NOC2L: variants seen among roughly 807,000 people sequenced by gnomAD.
NOC2L encodes the protein nucleolar complex protein 2 homolog.
A neutral mutation model predicts 94.2 loss-of-function variants in NOC2L; 101 were observed. The observed-to-expected ratio is 1.07, with a 90% CI of 0.91 to 1.26. NOC2L has a LOEUF of 1.26. Among genes scored for constraint, NOC2L ranks in the 50% most tolerant of loss-of-function variants. The probability of loss-of-function intolerance (pLI) is 0.00; values close to 1 mark genes in which losing one functional copy is unlikely to be tolerated. For synonymous variants in NOC2L, 531 were observed against 413.4 expected, an observed-to-expected ratio of 1.28 and a Z score of -3.45; for missense variants, 1,076 against 980.1, an observed-to-expected ratio of 1.10 and a Z score of -1.31.
intron 10 of NOC2L, 76 bp from the exon 11 acceptor site, chr1:952,215 C>A: frequency 6.4e-7 from 1 of 1,556,454 alleles, no homozygotes. Context: ...TGGGCCGGCA[C>A]AGGAATCATT....
chr1:954,224 G>A, intron 6 of NOC2L, 142 bp from the exon 7 acceptor site: 1 of 714,596 alleles, frequency 1.4e-6, no homozygotes, highest in South Asian at 1.9e-5. Context: ...AAAAGCTCAG[G>A]GCCCCTTACA....
Position 945,082 on chromosome 1 carries a change from GCCCTCC to G in NOC2L, c.2112_2117del (p.Glu704_Gly706delinsAsp). The G allele has an allele frequency of 6.2e-7, 1 of 1,613,908 alleles. No individual in the cohort carries two copies. Among genetic ancestry groups the G allele is most frequent in the Non-Finnish European group, 8.5e-7 (1 of 1,179,928 alleles). On this transcript the variant is annotated inframe_deletion, in exon 18 of 19. Coordinates refer to ENST00000327044, the MANE Select transcript of NOC2L (RefSeq NM_015658.4). ...CCTCCGAGTTGCTGCTGTCCTCCTC[GCCCTCC>G]TCCTCGTCCTCTTCATCGTCTTCCA...
intron 12 of NOC2L, among the ~76,000 whole-genome samples, chr1:949,693 C>A (rs1378027702): frequency 6.6e-6 from 1 of 152,196 alleles, no homozygotes; most frequent in Non-Finnish European, 1.5e-5. Flanking sequence ...CAAAGCATGC[C>A]TGGAGCTGGG....
At chr1:945,847 TCTC>T (rs996969126) in intron 16 of NOC2L, among the ~76,000 whole-genome samples, 194 bp from the exon 17 acceptor site, 36 of 152,102 alleles carry the variant, frequency 2.4e-4, no homozygotes, top group African/African-American at 7.5e-4. Context: ...CCTTCCTGCT[TCTC>T]CTCACGGGCC....
chr1:951,888 G>A lies in NOC2L; in HGVS notation c.1331+112C>T. 6 of 1,249,430 alleles carry A rather than the reference G, an allele frequency of 4.8e-6. 1 individual carries two copies. Among genetic ancestry groups the A allele is most frequent in the South Asian group, 4.4e-5 (3 of 67,762 alleles). 77.4% of individuals were successfully genotyped at this position (1,249,430 alleles called of 1,614,324 possible). On this transcript the variant is annotated intron_variant, in intron 11 of 18. Transcript: ENST00000327044. Reference sequence around the variant, plus strand: ...CCCAGCCCTTCCTCAGGGACGGCCAGGACACAGACTCAGGCCCCAAGGCCC... The same window carrying A: ...CCCAGCCCTTCCTCAGGGACGGCCAAGACACAGACTCAGGCCCCAAGGCCC...
At chr1:958,659 G>T in intron 2 of NOC2L, 1 of 663,124 alleles carries the variant, frequency 1.5e-6, no homozygotes, top group Non-Finnish European at 2.8e-6. Context: ...ACTGCAGGCG[G>T]TGATTTCACC....
At chr1:950,917 C>T (rs1358063970) in intron 12 of NOC2L, among the ~76,000 whole-genome samples, 2 of 152,206 alleles carry the variant, frequency 1.3e-5, no homozygotes, top group African/African-American at 4.8e-5. Context: ...AAGCACAGCC[C>T]TAGCAGCAGC....
intron 12 of NOC2L, among the ~76,000 whole-genome samples, chr1:949,280 A>C (rs1485408188): frequency 1.3e-5 from 2 of 152,208 alleles, no homozygotes. Flanking sequence ...ACCAGAGGAC[A>C]GAAGCAGATT....
At chr1:953,693 G>A in intron 8 of NOC2L, 89 bp downstream of exon 8, 1 of 995,886 alleles carries the variant, frequency 1.0e-6, no homozygotes, top group East Asian at 2.5e-5. Flanking sequence ...GGCACCACCT[G>A]TGCCCTGGCC....
rs1557613286 is a variant in NOC2L, at chr1:944,324, T to G, written c.*370A>C. On this transcript the variant is annotated 3_prime_UTR_variant, in exon 19 of 19. Coordinates refer to ENST00000327044, the MANE Select transcript of NOC2L (RefSeq NM_015658.4). ...ACAAATTTTCAAAGACTTGGGGGAGTGAAGGCAGAGCCTGGTGCAGATGGA... is the reference window on the plus strand; with the variant it reads ...ACAAATTTTCAAAGACTTGGGGGAGGGAAGGCAGAGCCTGGTGCAGATGGA... The G allele has an allele frequency of 2.2e-6, 3 of 1,380,352 alleles. No homozygotes were observed. Among genetic ancestry groups the G allele is most frequent in the African/African-American group, 1.5e-5 (1 of 67,556 alleles). The allele number at this position is 1,380,352 out of a possible 1,614,324, so 85.5% of individuals were successfully genotyped here.
chr1:956,592 C>T (rs1168858619), intron 4 of NOC2L, among the ~76,000 whole-genome samples: 5 of 152,222 alleles, frequency 3.3e-5, no homozygotes, highest in Admixed American at 2.0e-4. Flanking sequence ...GCGGGACTGA[C>T]TTTGGGGAGT....
At position 944,501 on chromosome 1, in the gene NOC2L, GCCACA is replaced by G; in HGVS notation, c.*188_*192del. ...AGCCCACAGCTGTGGGGCTTCAGCA[GCCACA>G]CCAGCCCAGCCCAGCCCAGCTCTCG... On this transcript the variant is annotated 3_prime_UTR_variant, in exon 19 of 19. Coordinates refer to ENST00000327044, the MANE Select transcript of NOC2L (RefSeq NM_015658.4). The G allele has an allele frequency of 4.7e-6, 3 of 635,652 alleles. No homozygotes were observed. The highest frequency in any genetic ancestry group is 7.8e-6 in the Non-Finnish European group (3 of 384,920). 39.4% of individuals were successfully genotyped at this position (635,652 alleles called of 1,614,324 possible). A position where few individuals can be genotyped will look rare whatever the true frequency, so the allele number is the denominator to read the frequency against.
chr1:948,520 G>A lies in NOC2L; in HGVS notation c.1527C>T (p.Ser509=). ...PINFSVILKL[S]NVNLQEKAYR... ...ACGCCTTCTCCTGCAGGTTGACATT[G>A]GACAGCTTCAGGATCACGGAGAAGT... The change falls in exon 13 of 19, where the codon TCC becomes TCT. Residue 509 remains serine, a synonymous_variant. Transcript: ENST00000327044. 1 of 1,613,424 alleles carries A rather than the reference G, an allele frequency of 6.2e-7. No homozygotes were observed. Among genetic ancestry groups the A allele is most frequent in the Non-Finnish European group, 8.5e-7 (1 of 1,179,814 alleles).
At chr1:946,151 A>G (rs780100015) in intron 16 of NOC2L, 22 bp downstream of exon 16, 7 of 1,545,382 alleles carry the variant, frequency 4.5e-6, no homozygotes, top group South Asian at 1.1e-5. Flanking sequence ...ACACACCCCC[A>G]GGTCCCCTCG....
chr1:944,220 C>T lies in NOC2L; in HGVS notation c.*474G>A. On this transcript the variant is annotated 3_prime_UTR_variant, in exon 19 of 19. Transcript: ENST00000327044. ...GCCACCACTCAACACAATGGCCCTG[C>T]CTCCCACCGCTTTATTTCTTTCGGT... 6.8e-7 allele frequency: 1 copy of T among 1,470,314 alleles called. No homozygotes were observed. Among genetic ancestry groups the T allele is most frequent in the Non-Finnish European group, 9.0e-7 (1 of 1,111,972 alleles). 91.1% of individuals were successfully genotyped at this position (1,470,314 alleles called of 1,614,324 possible). A position where few individuals can be genotyped will look rare whatever the true frequency, so the allele number is the denominator to read the frequency against.
chr1:950,530 G>A (rs943668678), intron 12 of NOC2L, among the ~76,000 whole-genome samples: 13 of 151,740 alleles, frequency 8.6e-5, no homozygotes, highest in Non-Finnish European at 1.5e-4. Context: ...CACACGCAAA[G>A]GTACACGCAA....
chr1:951,300 T>C (rs1642254958), intron 11 of NOC2L, 62 bp from the exon 12 acceptor site: 1 of 1,305,786 alleles, frequency 7.7e-7, no homozygotes. Flanking sequence ...CCCCTCCCCC[T>C]GCTGTCTTGG....
At chr1:952,215 C>G (rs1431805983) in intron 10 of NOC2L, 76 bp from the exon 11 acceptor site, 7 of 1,556,338 alleles carry the variant, frequency 4.5e-6, no homozygotes, top group Middle Eastern at 1.7e-4. Flanking sequence ...TGGGCCGGCA[C>G]AGGAATCATT....
rs1050547231 is a variant in NOC2L, at chr1:945,431, T to A, written c.2053+87A>T. ...AGAGACTGGTGAGCCCCCTGCAGGA[T>A]GGGTACAGGTGGCCCTCGTGGCTCT... On this transcript the variant is annotated intron_variant, in intron 17 of 18. Transcript: ENST00000327044. 4.7e-6 allele frequency: 7 copies of A among 1,485,934 alleles called. No individual in the cohort carries two copies. In the African/African-American group the frequency reaches 9.7e-5, roughly 21 times the overall value. The allele number at this position is 1,485,934 out of a possible 1,614,324, so 92.0% of individuals were successfully genotyped here.
Sources: gnomAD v4.1 joint callset for allele counts (sites outside exome capture counted in the v4.1 genomes callset) on GRCh38, gnomAD v4.1.1 for gene constraint, MANE v1.5 for transcripts, NCBI Gene and HGNC (gene_info 2026-07-23, HGNC 2026-07-21) for gene names.